The following RBM10 variants were observed in gnomAD, a reference collection of about 807,000 sequenced individuals.
The protein encoded by RBM10 is RNA-binding protein 10.
In RBM10, 1 loss-of-function variant was observed where a neutral mutation model predicts 84.9. The ratio of observed to expected loss-of-function variants is 0.01; its 90% CI spans 0.00 to 0.06. The LOEUF is 0.06. Ranked by LOEUF, RBM10 falls within the 10% of genes least tolerant of loss-of-function variation. The pLI is 1.00. For missense variants in RBM10, 438 were observed against 839.0 expected (o/e 0.52, Z 5.90); for synonymous variants, 326 against 344.5 (o/e 0.95, Z 0.60).
chrX:47,185,117 T>C lies in RBM10; in HGVS notation c.2013T>C (p.Asn671=), dbSNP rs1556781478. Residue 671 remains asparagine (N), a synonymous_variant, in exon 18 of 24, where the codon AAT becomes AAC. Coordinates refer to ENST00000377604, the MANE Select transcript of RBM10 (RefSeq NM_005676.5). Reference sequence around the variant, plus strand: ...ACAAACAAAAAGAAAACTTCAAAAATAGCTTCCAGCCTATCAGCTCCCTGC... The same window carrying C: ...ACAAACAAAAAGAAAACTTCAAAAACAGCTTCCAGCCTATCAGCTCCCTGC... ...SLNKQKENFK[N]SFQPISSLRD... is the part of the protein sequence containing the mutation. 5.0e-6 allele frequency: 6 copies of C among 1,211,295 alleles called. No individual in the cohort carries two copies. Among genetic ancestry groups the C allele is most frequent in the Non-Finnish European group, 6.7e-6 (6 of 895,323 alleles).
At chrX:47,152,361 G>A (rs966861836) in intron 2 of RBM10, among the ~76,000 whole-genome samples, 5 of 105,723 alleles carry the variant, frequency 4.7e-5, no homozygotes, top group Admixed American at 2.1e-4. Flanking sequence ...GCAAGAAAAA[G>A]TATAATGAAT....
intron 1 of RBM10, among the ~76,000 whole-genome samples, chrX:47,146,708 C>T (rs911546937): frequency 1.8e-5 from 2 of 111,278 alleles, no homozygotes; most frequent in South Asian, 7.5e-4. Flanking sequence ...ACCTTAGGAC[C>T]GGGCTGCACA....
chrX:47,150,199 C>T (rs149530784), intron 2 of RBM10, among the ~76,000 whole-genome samples: 1,661 of 109,841 alleles, frequency 0.015, 12 homozygotes, highest in Non-Finnish European at 0.025. Context: ...AGATGAGTCT[C>T]GCTCTGTCAC....
At chrX:47,152,166 C>T (rs782525906) in intron 2 of RBM10, among the ~76,000 whole-genome samples, 9 of 111,895 alleles carry the variant, frequency 8.0e-5, no homozygotes, top group African/African-American at 2.9e-4. Flanking sequence ...AAGCTGAGAT[C>T]GTGCCACTGC....
intron 1 of RBM10, among the ~76,000 whole-genome samples, chrX:47,146,371 G>A (rs1556762086): frequency 8.9e-6 from 1 of 111,750 alleles, no homozygotes; most frequent in Non-Finnish European, 1.9e-5. Context: ...TGAGGAGGAA[G>A]AGAAAATTGG....
intron 1 of RBM10, among the ~76,000 whole-genome samples, chrX:47,146,993 C>G (rs1376017313): frequency 2.7e-5 from 3 of 111,355 alleles, no homozygotes. Flanking sequence ...ACTTTCAGCC[C>G]TGAGAGTCCC....
rs138358884 is a variant in RBM10, at chrX:47,181,547, G to A, written c.1476G>A (p.Ser492=). The A allele has an allele frequency of 1.3e-5, 16 of 1,210,223 alleles. No homozygotes were observed. The African/African-American group carries it at 2.3e-4, about 17-fold the overall frequency. The change falls in exon 14 of 24, where the codon TCG becomes TCA. Residue 492 remains serine (S), a synonymous_variant. Coordinates refer to ENST00000377604, the MANE Select transcript of RBM10 (RefSeq NM_005676.5). ...TAGAGCCTGGGGCCGACTCTGTGTC[G>A]ATGCAGGCTTTCTCTCGCGCCCAGC... ...ASLEPGADSV[S]MQAFSRAQPG... is the part of the protein sequence containing the mutation.
In RBM10 at chrX:47,181,512, G is replaced by C. The variant is rs782684857; in HGVS notation, c.1441G>C (p.Glu481Gln). 8.3e-7 allele frequency: 1 copy of C among 1,211,545 alleles called. No individual in the cohort carries two copies. The highest frequency in any genetic ancestry group is 1.1e-6 in the Non-Finnish European group (1 of 895,339). Residue 481 changes from glutamate (E) to glutamine (Q), a missense_variant, in exon 14 of 24, where the codon GAG (glutamate) becomes CAG (glutamine). Coordinates refer to ENST00000377604, the MANE Select transcript of RBM10 (RefSeq NM_005676.5). The stretch of plus-strand genomic sequence containing the variant: ...TGCCCTGTCCCTCCTTACAGGTCCC[G>C]AGGCCTCCCTAGAGCCTGGGGCCGA... ...TKGDPTGAGP[E>Q]ASLEPGADSV... is the part of the protein sequence containing the mutation.
Position 47,179,336 on chromosome X carries a change from C to G in RBM10, c.742C>G (p.Pro248Ala), listed in dbSNP as rs782701875. 1.8e-5 allele frequency: 21 copies of G among 1,197,472 alleles called. No homozygotes were observed. Among genetic ancestry groups the G allele is most frequent in the African/African-American group, 3.5e-5 (2 of 57,036 alleles). The change falls in exon 9 of 24, where the codon CCC becomes GCC. Residue 248 changes from proline (P) to alanine (A), a missense_variant. Transcript: ENST00000377604. ...CCTGACAGAGGCAGAGCAGAAGCTG[C>G]CCCTCGGCACGAGGCTGGATCAGCA... ...VPKSEAEQKL[P>A]LGTRLDQQTL...
intron 2 of RBM10, chrX:47,157,615 C>T (rs1454736294): frequency 1.9e-5 from 9 of 482,512 alleles, no homozygotes; most frequent in South Asian, 1.4e-4. Context: ...GAGTCCAGGA[C>T]GATGGTTTCA....
At chrX:47,164,637 C>T (rs930925922) in intron 2 of RBM10, among the ~76,000 whole-genome samples, 22 of 111,575 alleles carry the variant, frequency 2.0e-4, no homozygotes, top group African/African-American at 6.2e-4. Flanking sequence ...GGTGAGGATG[C>T]GGGGAAATTG....
chrX:47,179,678 G>A (rs1398262685), intron 9 of RBM10, 183 bp downstream of exon 9: 6 of 760,559 alleles, frequency 7.9e-6, no homozygotes, highest in Non-Finnish European at 1.2e-5. Flanking sequence ...GGGGTGTGTC[G>A]GGAAGGTTCT....
intron 2 of RBM10, chrX:47,157,190 C>G: frequency 3.7e-6 from 1 of 269,951 alleles, no homozygotes; most frequent in South Asian, 3.8e-5. Flanking sequence ...CTTTGACACA[C>G]TGTGGCTATT....
chrX:47,153,319 G>A (rs889537233), intron 2 of RBM10, among the ~76,000 whole-genome samples: 7 of 111,941 alleles, frequency 6.3e-5, no homozygotes, highest in Middle Eastern at 4.2e-3. Context: ...CCTTTATAAT[G>A]GTTTTCCCCA....
intron 17 of RBM10, among the ~76,000 whole-genome samples, chrX:47,184,052 C>T (rs782247169): frequency 3.4e-4 from 38 of 111,895 alleles, no homozygotes; most frequent in Non-Finnish European, 6.4e-4. Flanking sequence ...AAAGCAGCCG[C>T]GATCTCTTGA....
chrX:47,166,224 TAGTG>T (rs1289895046), intron 2 of RBM10, among the ~76,000 whole-genome samples: 1 of 110,760 alleles, frequency 9.0e-6, no homozygotes. Context: ...CTGGGCAACA[TAGTG>T]AGGTCCTGTA....
At chrX:47,152,441 CTTTTT>C (rs782688935) in intron 2 of RBM10, among the ~76,000 whole-genome samples, 1 of 65,235 alleles carries the variant, frequency 1.5e-5, no homozygotes, top group Non-Finnish European at 2.6e-5. Flanking sequence ...CACTCTATAT[CTTTTT>C]TTTTTTTTTT....
rs201519440 is a variant in RBM10, at chrX:47,175,103, C to T, written c.576+11C>T. ...ATGGAAGCCAATCAGGTTGCTTTGC[C>T]GCACTTGAACCCCCCCCCAAACAAA... On this transcript the variant is annotated intron_variant, in intron 6 of 23. Transcript: ENST00000377604. 2.4e-5 allele frequency: 29 copies of T among 1,191,464 alleles called. No homozygotes were observed. In the East Asian group the frequency reaches 4.5e-4, roughly 18 times the overall value.
intron 1 of RBM10, among the ~76,000 whole-genome samples, chrX:47,146,835 C>A (rs939405045): frequency 9.0e-6 from 1 of 111,343 alleles, no homozygotes; most frequent in Non-Finnish European, 1.9e-5. Context: ...CACACACCCC[C>A]CCAAGAGCCT....
Sources: gnomAD v4.1 joint callset for allele counts (sites outside exome capture counted in the v4.1 genomes callset) on GRCh38, gnomAD v4.1.1 for gene constraint, MANE v1.5 for transcripts, NCBI Gene and HGNC (gene_info 2026-07-23, HGNC 2026-07-21) for gene names.